Variants in AZIN1 observed in about 807,000 individuals in gnomAD.
AZIN1 encodes antizyme inhibitor 1, also known as ornithine decarboxylase antizyme inhibitor.
Under a neutral mutation model 47.4 loss-of-function variants are expected in AZIN1, and 12 were observed. The observed-to-expected ratio is 0.25, with a 90% CI of 0.16 to 0.41. The LOEUF (loss-of-function observed/expected upper bound fraction) is 0.41, where lower values mean the gene tolerates loss of function less well. Among genes scored for constraint, AZIN1 ranks in the 10% least tolerant of loss-of-function variants. AZIN1 has a pLI of 1.00. For synonymous variants in AZIN1, 155 were observed against 176.3 expected, an observed-to-expected ratio of 0.88 and a Z score of 0.96; for missense variants, 410 against 532.4, an observed-to-expected ratio of 0.77 and a Z score of 2.26.
chr8:102,864,060 T>C lies in AZIN1; in HGVS notation c.-487A>G. On this transcript the variant is annotated 5_prime_UTR_variant, in exon 1 of 12. Coordinates refer to ENST00000337198, the MANE Select transcript of AZIN1 (RefSeq NM_148174.4). ...TGGGTGGGAAGAGGATTCGGACTCG[T>C]CACACTGCAGAGCAGCAGAGCGAGA... is the stretch of plus-strand genomic sequence containing the variant. 6.3e-6 allele frequency: 1 copy of C among 159,214 alleles called. No individual in the cohort carries two copies. The highest frequency in any genetic ancestry group is 1.4e-5 in the Non-Finnish European group (1 of 72,604). The allele number at this position is 159,214 out of a possible 1,614,324, so 9.9% of individuals were successfully genotyped here. A position where few individuals can be genotyped will look rare whatever the true frequency, so the allele number is the denominator to read the frequency against.
intron 2 of AZIN1, 147 bp from the exon 3 acceptor site, chr8:102,843,894 C>T (rs1399551416): frequency 1.5e-5 from 9 of 584,440 alleles, no homozygotes; most frequent in Admixed American, 3.9e-5. Context: ...TTTCCTTTAA[C>T]GCCCATTTAA....
intron 7 of AZIN1, among the ~76,000 whole-genome samples, 162 bp downstream of exon 7, chr8:102,834,504 A>C (rs1409735236): frequency 1.3e-5 from 2 of 152,226 alleles, no homozygotes; most frequent in East Asian, 1.9e-4. Flanking sequence ...CCTGCTTAAA[A>C]GGTGTGACTG....
At chr8:102,851,954 T>C (rs976294623) in intron 2 of AZIN1, among the ~76,000 whole-genome samples, 1 of 152,210 alleles carries the variant, frequency 6.6e-6, no homozygotes, top group African/African-American at 2.4e-5. Context: ...AACTGCTAGA[T>C]TGTTAGTGGC....
chr8:102,863,511 A>AC (rs994141558), intron 1 of AZIN1, among the ~76,000 whole-genome samples: 5 of 150,060 alleles, frequency 3.3e-5, no homozygotes, highest in Non-Finnish European at 7.4e-5. Flanking sequence ...CGGCGGCGAG[A>AC]CCCCCGCGCG....
intron 1 of AZIN1, among the ~76,000 whole-genome samples, chr8:102,860,673 C>T (rs1038099151): frequency 4.6e-5 from 7 of 152,228 alleles, no homozygotes; most frequent in Non-Finnish European, 8.8e-5. Flanking sequence ...AGGTGCAAAC[C>T]ACCGTGCCCA....
chr8:102,839,745 G>C lies in AZIN1; in HGVS notation c.181C>G (p.Gln61Glu), dbSNP rs1463050157. Residue 61 changes from glutamine (Q) to glutamate (E), a missense_variant, in exon 4 of 12, where the codon CAG (glutamine) becomes GAG (glutamate). Gln to Glu is a conservative substitution (Grantham distance 29). Transcript: ENST00000337198. ...TTCACTGTGTAGAATGGCTTTATCT[G>C]AGCCACTACATTCTGCCATTGACTG... is the stretch of plus-strand genomic sequence containing the variant. The part of the protein sequence containing the change: ...KHSQWQNVVA[Q>E]IKPFYTVKCN... 1.2e-6 allele frequency: 2 copies of C among 1,608,876 alleles called. No individual in the cohort carries two copies. The highest frequency in any genetic ancestry group is 4.5e-5 in the East Asian group (2 of 44,740).
Position 102,833,108 on chromosome 8 carries a change from T to C in AZIN1, c.852A>G (p.Ala284=), listed in dbSNP as rs759819748. The C allele has an allele frequency of 2.5e-6, 4 of 1,613,282 alleles. No individual in the cohort carries two copies. The East Asian group carries it at 8.9e-5, about 36-fold the overall frequency. Residue 284 remains alanine (A), a synonymous_variant, in exon 9 of 12, where the codon GCA becomes GCG. Transcript: ENST00000337198. ...CAACTTTCTTTGCTATGATATTAAC[T>C]GCGAGTGTAAATGCAGAAGACACAT... ...SYYVSSAFTL[A]VNIIAKKVVE...
intron 8 of AZIN1, among the ~76,000 whole-genome samples, 166 bp from the exon 9 acceptor site, chr8:102,833,384 C>T (rs568381500): frequency 6.6e-6 from 1 of 152,262 alleles, no homozygotes; most frequent in African/African-American, 2.4e-5. Flanking sequence ...ATTAGGCATG[C>T]TTTCAAGTCA....
intron 2 of AZIN1, among the ~76,000 whole-genome samples, chr8:102,853,627 C>CTA (rs1225268373): frequency 6.6e-6 from 1 of 152,208 alleles, no homozygotes; most frequent in Non-Finnish European, 1.5e-5. Flanking sequence ...CATTAATATG[C>CTA]TAGTATTCAC....
Position 102,826,406 on chromosome 8 carries a change from C to G in AZIN1, c.*2161G>C, listed in dbSNP as rs1294811352. Reference sequence around the variant, plus strand: ...GTATTCAGAATCACACACAAGTTACCTTTACAGTTCAATTTACTATATAGA... The same window carrying G: ...GTATTCAGAATCACACACAAGTTACGTTTACAGTTCAATTTACTATATAGA... On this transcript the variant is annotated 3_prime_UTR_variant, in exon 12 of 12. Coordinates refer to ENST00000337198, the MANE Select transcript of AZIN1 (RefSeq NM_148174.4). 1 of 152,572 alleles carries G rather than the reference C, an allele frequency of 6.6e-6. No individual in the cohort carries two copies. The highest frequency in any genetic ancestry group is 1.5e-5 in the Non-Finnish European group (1 of 68,026). 9.5% of individuals were successfully genotyped at this position (152,572 alleles called of 1,614,324 possible).
intron 2 of AZIN1, chr8:102,856,100 T>TTG (rs1260553221): frequency 1.3e-5 from 2 of 150,942 alleles, no homozygotes; most frequent in African/African-American, 4.9e-5. Context: ...TTTGTTTTTT[T>TTG]TTTTTTTTCC....
chr8:102,845,634 A>T (rs941113987), intron 2 of AZIN1, among the ~76,000 whole-genome samples: 1 of 152,228 alleles, frequency 6.6e-6, no homozygotes, highest in African/African-American at 2.4e-5. Context: ...CACTAAGAAC[A>T]ATTAAAAAAA....
Position 102,828,420 on chromosome 8 carries a change from T to C in AZIN1, c.*147A>G, listed in dbSNP as rs1221740759. The C allele has an allele frequency of 7.8e-6, 4 of 514,228 alleles. No homozygotes were observed. The highest frequency in any genetic ancestry group is 1.0e-5 in the Non-Finnish European group (3 of 287,682). The allele number at this position is 514,228 out of a possible 1,614,324, so 31.9% of individuals were successfully genotyped here. A position where few individuals can be genotyped will look rare whatever the true frequency, so the allele number is the denominator to read the frequency against. ...ATGAATTATAGATGAAAGCTGATTT[T>C]GTCTGGTCCCAAATAGCTATTACTA... On this transcript the variant is annotated 3_prime_UTR_variant, in exon 12 of 12. Transcript: ENST00000337198.
In AZIN1 at chr8:102,828,358, A is replaced by C. The variant is rs1811218962; in HGVS notation, c.*209T>G. On this transcript the variant is annotated 3_prime_UTR_variant, in exon 12 of 12. Transcript: ENST00000337198. ...GGGGTAGGACAAACTGGTAGGTTTA[A>C]ATCTGGATACATTATCTAAATCTCC... 1 of 428,360 alleles carries C rather than the reference A, an allele frequency of 2.3e-6. No homozygotes were observed. Among genetic ancestry groups the C allele is most frequent in the East Asian group, 3.5e-5 (1 of 28,292 alleles). 26.5% of individuals were successfully genotyped at this position (428,360 alleles called of 1,614,324 possible).
chr8:102,842,126 A>T (rs1054696955), intron 3 of AZIN1, among the ~76,000 whole-genome samples: 1 of 152,172 alleles, frequency 6.6e-6, no homozygotes, highest in African/African-American at 2.4e-5. Context: ...AGAAAAAAAA[A>T]AAGAAAATCA....
Position 102,826,738 on chromosome 8 carries a change from C to T in AZIN1, c.*1829G>A, listed in dbSNP as rs897489940. On this transcript the variant is annotated 3_prime_UTR_variant, in exon 12 of 12. Coordinates refer to ENST00000337198, the MANE Select transcript of AZIN1 (RefSeq NM_148174.4). ...TCAAGCCAAGGACTCAAAGTTGCAC[C>T]ATCTTTAAAAAGGTTTGGCATTTCT... The T allele has an allele frequency of 6.6e-6, 1 of 152,578 alleles. No homozygotes were observed. Among genetic ancestry groups the T allele is most frequent in the African/African-American group, 2.4e-5 (1 of 41,424 alleles). 9.5% of individuals were successfully genotyped at this position (152,578 alleles called of 1,614,324 possible). A position where few individuals can be genotyped will look rare whatever the true frequency, so the allele number is the denominator to read the frequency against.
At chr8:102,855,110 A>G (rs1319765050) in intron 2 of AZIN1, among the ~76,000 whole-genome samples, 1 of 152,162 alleles carries the variant, frequency 6.6e-6, no homozygotes, top group Non-Finnish European at 1.5e-5. Context: ...GCTGAAGTGC[A>G]ATGGCACGAT....
chr8:102,847,204 A>G (rs1383791823), intron 2 of AZIN1, among the ~76,000 whole-genome samples: 1 of 152,204 alleles, frequency 6.6e-6, no homozygotes, highest in Non-Finnish European at 1.5e-5. Context: ...CCACAGATGT[A>G]GTACATTAAC....
chr8:102,836,902 ATTTT>A (rs1284409405), intron 5 of AZIN1, among the ~76,000 whole-genome samples: 1 of 151,666 alleles, frequency 6.6e-6, no homozygotes, highest in South Asian at 2.1e-4. Flanking sequence ...CATTTTTTAA[ATTTT>A]TTTTTCTTTT....
Sources: gnomAD v4.1 joint callset for allele counts (sites outside exome capture counted in the v4.1 genomes callset) on GRCh38, gnomAD v4.1.1 for gene constraint, MANE v1.5 for transcripts, NCBI Gene and HGNC (gene_info 2026-07-23, HGNC 2026-07-21) for gene names.